The following NEGR1 variants were observed in gnomAD, a reference collection of about 807,000 sequenced individuals.
NEGR1 encodes neuronal growth regulator 1.
A neutral mutation model predicts 40.9 loss-of-function variants in NEGR1; 10 were observed. The observed-to-expected ratio is 0.24, with a 90% CI of 0.15 to 0.42. The LOEUF (loss-of-function observed/expected upper bound fraction) is 0.42. Ranked by LOEUF, NEGR1 falls within the 10% of genes least tolerant of loss-of-function variation. The pLI, the probability that NEGR1 is intolerant of heterozygous loss-of-function variation, is 1.00. For missense variants in NEGR1, 352 were observed against 438.9 expected (o/e 0.80, Z 1.77); for synonymous variants, 185 against 166.8 (o/e 1.11, Z -0.84).
At chr1:71,413,319 C>T (rs1646335635) in intron 6 of NEGR1, among the ~76,000 whole-genome samples, 1 of 152,136 alleles carries the variant, frequency 6.6e-6, no homozygotes, top group Non-Finnish European at 1.5e-5. Context: ...CACTCTGAGG[C>T]AATGAGCAAA....
At chr1:71,979,308 G>T (rs185067480) in intron 1 of NEGR1, among the ~76,000 whole-genome samples, 3 of 152,100 alleles carry the variant, frequency 2.0e-5, no homozygotes, top group African/African-American at 7.2e-5. Context: ...AACCCCCACG[G>T]CATGAGTTTA....
chr1:71,991,393 A>G (rs182508952), intron 1 of NEGR1, among the ~76,000 whole-genome samples: 1 of 152,270 alleles, frequency 6.6e-6, no homozygotes, highest in Non-Finnish European at 1.5e-5. Flanking sequence ...CCTCCCACCA[A>G]TAGCAAATAC....
intron 4 of NEGR1, among the ~76,000 whole-genome samples, chr1:71,650,953 C>T (rs1431339191): frequency 6.6e-6 from 1 of 151,982 alleles, no homozygotes; most frequent in African/African-American, 2.4e-5. Context: ...GTTTACCTAC[C>T]ATATACCTAA....
chr1:72,065,619 G>T (rs1198496774), intron 1 of NEGR1, among the ~76,000 whole-genome samples: 1 of 152,092 alleles, frequency 6.6e-6, no homozygotes, highest in South Asian at 2.1e-4. Context: ...TTGCCCCACT[G>T]TTCTGTTAAG....
intron 2 of NEGR1, among the ~76,000 whole-genome samples, chr1:71,863,516 G>A (rs952802328): frequency 6.6e-6 from 1 of 152,052 alleles, no homozygotes. Context: ...CTAGGTGATG[G>A]GTTGATCTGT....
intron 4 of NEGR1, among the ~76,000 whole-genome samples, chr1:71,643,261 C>G (rs376264500): frequency 1.3e-4 from 20 of 152,078 alleles, no homozygotes; most frequent in African/African-American, 3.9e-4. Context: ...AACACAGTTA[C>G]CAGAGAACAT....
At chr1:71,610,914 G>A in intron 5 of NEGR1, 112 bp downstream of exon 5, 3 of 1,067,346 alleles carry the variant, frequency 2.8e-6, no homozygotes, top group South Asian at 1.6e-5. Context: ...TGGAGAGGAG[G>A]CTGCTGAGAA....
intron 1 of NEGR1, among the ~76,000 whole-genome samples, chr1:72,006,092 C>T (rs1646604508): frequency 1.3e-5 from 2 of 152,092 alleles, no homozygotes; most frequent in Admixed American, 1.3e-4. Context: ...AATTTAAAAC[C>T]TCTTTCAGTG....
chr1:71,481,917 T>A (rs1279736706), intron 6 of NEGR1, among the ~76,000 whole-genome samples: 2 of 151,866 alleles, frequency 1.3e-5, no homozygotes, highest in African/African-American at 2.4e-5. Context: ...CCCTTTTTTA[T>A]TCTCTGAGCT....
At chr1:72,263,603 G>T (rs1655536964) in intron 1 of NEGR1, among the ~76,000 whole-genome samples, 1 of 151,514 alleles carries the variant, frequency 6.6e-6, no homozygotes, top group Non-Finnish European at 1.5e-5. Context: ...CCTTAAAATT[G>T]CTTCTTAAAA....
chr1:72,229,573 T>G (rs1448821586), intron 1 of NEGR1, among the ~76,000 whole-genome samples: 1 of 150,630 alleles, frequency 6.6e-6, no homozygotes, highest in African/African-American at 2.4e-5. Context: ...TTTTCCAGAT[T>G]ATAATCTGGA....
chr1:72,176,575 C>T (rs1652173525), intron 1 of NEGR1, among the ~76,000 whole-genome samples: 2 of 152,012 alleles, frequency 1.3e-5, no homozygotes, highest in Non-Finnish European at 2.9e-5. Flanking sequence ...AAAAGTTAAT[C>T]AATGTTAGCA....
At chr1:71,741,358 TC>T (rs1465724598) in intron 3 of NEGR1, among the ~76,000 whole-genome samples, 5 of 152,210 alleles carry the variant, frequency 3.3e-5, no homozygotes, top group African/African-American at 1.2e-4. Flanking sequence ...GTATCTGCCA[TC>T]TTTTGCCAAT....
intron 1 of NEGR1, among the ~76,000 whole-genome samples, chr1:71,942,419 G>T (rs1246626544): frequency 3.1e-5 from 3 of 97,016 alleles, no homozygotes; most frequent in South Asian, 4.0e-4. Flanking sequence ...ATATAGTTTA[G>T]TTTTACTTTA....
intron 1 of NEGR1, among the ~76,000 whole-genome samples, chr1:71,984,361 CAAGTGATCTCACCTCGGCCCCCCA>C (rs1370693055): frequency 5.3e-5 from 8 of 152,082 alleles, no homozygotes; most frequent in Admixed American, 5.2e-4. Flanking sequence ...CTCCTGGTAT[CAAGTGATCTCACCTCGGCCCCCCA>C]AAGTGCTGGG....
chr1:72,263,119 AT>A (rs887854088), intron 1 of NEGR1, among the ~76,000 whole-genome samples: 2 of 151,542 alleles, frequency 1.3e-5, no homozygotes, highest in Admixed American at 6.6e-5. Flanking sequence ...TTTCCTCCAA[AT>A]TTTTTAGTTA....
intron 3 of NEGR1, among the ~76,000 whole-genome samples, chr1:71,753,125 A>G (rs1290293111): frequency 6.6e-6 from 1 of 152,150 alleles, no homozygotes; most frequent in Non-Finnish European, 1.5e-5. Context: ...TCACTCAAAA[A>G]TGCAAACATA....
At chr1:71,830,544 CA>C (rs965476686) in intron 2 of NEGR1, among the ~76,000 whole-genome samples, 10 of 151,426 alleles carry the variant, frequency 6.6e-5, no homozygotes, top group Admixed American at 5.9e-4. Flanking sequence ...AAACCAACAA[CA>C]ACAAAAAGAA....
intron 2 of NEGR1, among the ~76,000 whole-genome samples, chr1:71,912,486 T>A (rs1661445393): frequency 6.6e-6 from 1 of 152,216 alleles, no homozygotes; most frequent in Non-Finnish European, 1.5e-5. Flanking sequence ...AAAGGTAGCA[T>A]ATTCACAGGT....
Sources: gnomAD v4.1 joint callset for allele counts (sites outside exome capture counted in the v4.1 genomes callset) on GRCh38, gnomAD v4.1.1 for gene constraint, MANE v1.5 for transcripts, NCBI Gene and HGNC (gene_info 2026-07-23, HGNC 2026-07-21) for gene names.